HIKESHI: variants seen among roughly 807,000 people sequenced by gnomAD.
HIKESHI encodes the protein protein Hikeshi.
A neutral mutation model predicts 25.7 loss-of-function variants in HIKESHI; 13 were observed. That is an observed-to-expected ratio of 0.51 (90% CI 0.33 to 0.80). The LOEUF is 0.80. HIKESHI is among the 30% of genes least tolerant of loss of function. The probability of loss-of-function intolerance (pLI) is 0.02; values close to 1 mark genes in which losing one functional copy is unlikely to be tolerated. For missense variants in HIKESHI, 174 were observed against 229.5 expected, an observed-to-expected ratio of 0.76 and a Z score of 1.56; for synonymous variants, 76 against 78.7, an observed-to-expected ratio of 0.97 and a Z score of 0.18.
At chr11:86,303,677 G>C (rs1281581608) in intron 1 of HIKESHI, 1 of 152,166 alleles carries the variant, frequency 6.6e-6, no homozygotes, top group East Asian at 1.9e-4. Flanking sequence ...GGGGATACTT[G>C]GTCCTTTAAT....
chr11:86,329,486 C>T (rs1947366013), intron 2 of HIKESHI, among the ~76,000 whole-genome samples: 1 of 151,544 alleles, frequency 6.6e-6, no homozygotes, highest in African/African-American at 2.4e-5. Context: ...CTAATTAGCT[C>T]TAGTAGCTTT....
intron 2 of HIKESHI, among the ~76,000 whole-genome samples, chr11:86,307,077 TG>T (rs1373088624): frequency 3.7e-5 from 1 of 27,018 alleles, no homozygotes; most frequent in African/African-American, 1.4e-4. Context: ...ATATACATCA[TG>T]TATCAAATAT....
intron 2 of HIKESHI, among the ~76,000 whole-genome samples, chr11:86,313,191 G>A (rs902801959): frequency 1.3e-5 from 2 of 152,126 alleles, no homozygotes; most frequent in Admixed American, 6.6e-5. Flanking sequence ...TGAAAATCTA[G>A]ATGAAGACAG....
intron 3 of HIKESHI, among the ~76,000 whole-genome samples, chr11:86,341,604 C>T (rs1947733267): frequency 1.3e-5 from 2 of 151,650 alleles, no homozygotes; most frequent in Non-Finnish European, 2.9e-5. Flanking sequence ...CCACTAGTAG[C>T]TGGTAGCTGG....
intron 3 of HIKESHI, chr11:86,343,792 G>C (rs181578119): frequency 6.6e-5 from 10 of 152,134 alleles, no homozygotes; most frequent in Admixed American, 3.9e-4. Flanking sequence ...AGAAGAGAAG[G>C]CATGGCTGAT....
intron 1 of HIKESHI, among the ~76,000 whole-genome samples, 163 bp downstream of exon 1, chr11:86,302,641 C>G (rs1946527083): frequency 6.6e-6 from 1 of 152,208 alleles, no homozygotes; most frequent in Non-Finnish European, 1.5e-5. Context: ...CTCTCCTTTG[C>G]CCAGCTCTAT....
At chr11:86,321,605 C>T (rs896237911) in intron 2 of HIKESHI, among the ~76,000 whole-genome samples, 10 of 152,034 alleles carry the variant, frequency 6.6e-5, no homozygotes, top group African/African-American at 2.4e-4. Flanking sequence ...TCTCGACTCA[C>T]TGCAACCTCT....
chr11:86,314,361 A>G (rs1237342335), intron 2 of HIKESHI, among the ~76,000 whole-genome samples: 1 of 152,104 alleles, frequency 6.6e-6, no homozygotes, highest in African/African-American at 2.4e-5. Context: ...CACGCCTGTA[A>G]TCCTAGCATT....
chr11:86,302,533 C>T, intron 1 of HIKESHI, 55 bp downstream of exon 1: 1 of 1,535,464 alleles, frequency 6.5e-7, no homozygotes, highest in Non-Finnish European at 8.8e-7. Flanking sequence ...AGGGCGAAGC[C>T]CTACGGCAGG....
chr11:86,326,787 C>A, intron 2 of HIKESHI: 2 of 281,934 alleles, frequency 7.1e-6, no homozygotes, highest in South Asian at 6.6e-5. Context: ...GAGGAGGAGA[C>A]TTTTAAGGGT....
intron 2 of HIKESHI, among the ~76,000 whole-genome samples, chr11:86,316,235 G>A (rs577020547): frequency 6.6e-6 from 1 of 152,102 alleles, no homozygotes; most frequent in Non-Finnish European, 1.5e-5. Flanking sequence ...AGAAGGCCGG[G>A]TGTGGTGGCT....
At chr11:86,330,704 A>G (rs1477611504) in intron 2 of HIKESHI, among the ~76,000 whole-genome samples, 2 of 152,202 alleles carry the variant, frequency 1.3e-5, no homozygotes, top group African/African-American at 4.8e-5. Context: ...ATTAGAAATC[A>G]CTTGTACCTA....
intron 1 of HIKESHI, among the ~76,000 whole-genome samples, chr11:86,305,351 C>G (rs532199135): frequency 2.6e-5 from 4 of 151,494 alleles, no homozygotes; most frequent in African/African-American, 7.3e-5. Flanking sequence ...TTTTGAATAA[C>G]CTTTCATTTT....
chr11:86,311,346 G>A (rs942316409), intron 2 of HIKESHI, among the ~76,000 whole-genome samples: 6 of 152,106 alleles, frequency 3.9e-5, no homozygotes, highest in East Asian at 1.9e-4. Context: ...GTTTATTTGC[G>A]TAGAGGTGTT....
intron 2 of HIKESHI, among the ~76,000 whole-genome samples, chr11:86,308,325 TAC>T (rs1429885840): frequency 8.0e-5 from 6 of 75,024 alleles, no homozygotes; most frequent in Non-Finnish European, 1.4e-4. Context: ...AAATATATAT[TAC>T]ATATAAAATA....
chr11:86,318,303 C>CAAAAAAAAAAAAAAAAAAAAAAAAAAAA lies in HIKESHI; in HGVS notation c.268+11841_268+11842insAAAAAAAAAAAAAAAAAAAAAAAAAAAA, dbSNP rs71040230. 1.5e-3 allele frequency among the ~76,000 whole-genome samples: 53 copies of CAAAAAAAAAAAAAAAAAAAAAAAAAAAA among 35,644 alleles called. 2 individuals carry two copies. The highest frequency in any genetic ancestry group is 2.3e-3 in the Non-Finnish European group (44 of 19,072). 23.4% of individuals were successfully genotyped at this position (35,644 alleles called of 152,430 possible). ...TGGGCGACAGAGCAAGACTCCGTCT[C>CAAAAAAAAAAAAAAAAAAAAAAAAAAAA]AAAAAAAAAAAAAAAAAAAATCCTG... On this transcript the variant is annotated intron_variant, in intron 2 of 4. Transcript: ENST00000278483.
At chr11:86,334,992 CAG>C (rs1357001936) in intron 2 of HIKESHI, among the ~76,000 whole-genome samples, 6 of 152,280 alleles carry the variant, frequency 3.9e-5, no homozygotes, top group East Asian at 1.9e-4. Context: ...TTGTAGCAAT[CAG>C]GGGAACATTT....
chr11:86,312,393 T>C (rs1453721387), intron 2 of HIKESHI, among the ~76,000 whole-genome samples: 6 of 152,204 alleles, frequency 3.9e-5, no homozygotes, highest in Non-Finnish European at 8.8e-5. Flanking sequence ...CCCTGCCTTT[T>C]TTTGTTTTCC....
At chr11:86,335,396 G>C (rs1359182766) in intron 2 of HIKESHI, among the ~76,000 whole-genome samples, 1 of 152,156 alleles carries the variant, frequency 6.6e-6, no homozygotes, top group Non-Finnish European at 1.5e-5. Context: ...AGATGCTTTG[G>C]GGAATGAGGG....
Sources: gnomAD v4.1 joint callset for allele counts (sites outside exome capture counted in the v4.1 genomes callset) on GRCh38, gnomAD v4.1.1 for gene constraint, MANE v1.5 for transcripts, NCBI Gene and HGNC (gene_info 2026-07-23, HGNC 2026-07-21) for gene names.